The following MPPED2 variants were observed in gnomAD, a reference collection of about 807,000 sequenced individuals.
MPPED2 encodes metallophosphoesterase MPPED2.
In MPPED2, 5 loss-of-function variants were observed where a neutral mutation model predicts 33.0. The ratio of observed to expected loss-of-function variants is 0.15; its 90% confidence interval spans 0.08 to 0.32. The LOEUF (loss-of-function observed/expected upper bound fraction) is 0.32, where lower values mean the gene tolerates loss of function less well. MPPED2 is among the 10% of genes least tolerant of loss of function. MPPED2 has a pLI of 1.00. For missense variants in MPPED2, 275 were observed against 372.1 expected (o/e 0.74, Z 2.15); for synonymous variants, 136 against 141.9 (o/e 0.96, Z 0.29).
At chr11:30,529,171 A>G (rs1334589998) in intron 3 of MPPED2, among the ~76,000 whole-genome samples, 4 of 152,194 alleles carry the variant, frequency 2.6e-5, no homozygotes, top group Non-Finnish European at 1.5e-5. Context: ...AGTTTTATCA[A>G]TTTTAAAAAA....
intron 2 of MPPED2, among the ~76,000 whole-genome samples, chr11:30,550,293 T>C (rs1258665882): frequency 6.6e-6 from 1 of 152,200 alleles, no homozygotes; most frequent in Admixed American, 6.5e-5. Context: ...TTCCCACCCC[T>C]GCTGTAGCAT....
At chr11:30,407,553 C>T (rs112243427), downstream of MPPED2, among the ~76,000 whole-genome samples, 556 of 152,260 alleles carry the variant, frequency 3.7e-3, 1 homozygote, top group African/African-American at 0.013. Context: ...CTGCTGCTTT[C>T]GAGGTTGGAG....
At chr11:30,483,581 A>G (rs551569661) in intron 4 of MPPED2, among the ~76,000 whole-genome samples, 2 of 152,322 alleles carry the variant, frequency 1.3e-5, no homozygotes, top group South Asian at 4.1e-4. Context: ...GTTTTAGTCT[A>G]GCATCTTTTA....
chr11:30,494,757 A>AAAGAAAGAAAG (rs1554982033), intron 4 of MPPED2, among the ~76,000 whole-genome samples: 2 of 120,888 alleles, frequency 1.7e-5, no homozygotes, highest in East Asian at 2.0e-4. Context: ...AAAAAAAAAA[A>AAAGAAAGAAAG]AAAGAAAGAA....
chr11:30,410,773 CCT>C lies in MPPED2; in HGVS notation c.*693_*694del, dbSNP rs1948073498. The C allele has an allele frequency of 1.0e-6, 1 of 984,950 alleles. No homozygotes were observed. Among genetic ancestry groups the C allele is most frequent in the African/African-American group, 1.7e-5 (1 of 57,190 alleles). 61.0% of individuals were successfully genotyped at this position (984,950 alleles called of 1,614,324 possible). On this transcript the variant is annotated 3_prime_UTR_variant, in exon 7 of 7. Coordinates refer to ENST00000358117, the MANE Select transcript of MPPED2 (RefSeq NM_001584.3). ...TTCATTTTTTTAACCGTATGAAATACCTGCTCTTGACAGATTCCATTTCTGTA... is the reference window on the plus strand; with the variant it reads ...TTCATTTTTTTAACCGTATGAAATACGCTCTTGACAGATTCCATTTCTGTA...
chr11:30,570,766 A>T (rs774236761), intron 2 of MPPED2, among the ~76,000 whole-genome samples: 1 of 152,184 alleles, frequency 6.6e-6, no homozygotes, highest in South Asian at 2.1e-4. Flanking sequence ...CATATTTTAA[A>T]CTAAGTGTAC....
At chr11:30,534,000 T>G (rs1954677096) in intron 3 of MPPED2, among the ~76,000 whole-genome samples, 1 of 152,226 alleles carries the variant, frequency 6.6e-6, no homozygotes, top group Admixed American at 6.5e-5. Flanking sequence ...CATTCAGTTA[T>G]TAATGGCCCA....
intron 6 of MPPED2, among the ~76,000 whole-genome samples, chr11:30,400,809 G>A (rs1209656392): frequency 2.6e-5 from 4 of 151,012 alleles, no homozygotes; most frequent in Admixed American, 1.3e-4. Context: ...CACCCAGCCA[G>A]GAGTGCAGTG....
chr11:30,534,815 ATTG>A (rs1342789957), intron 3 of MPPED2, among the ~76,000 whole-genome samples: 1 of 152,228 alleles, frequency 6.6e-6, no homozygotes, highest in East Asian at 1.9e-4. Context: ...CAGAGGAAAA[ATTG>A]TTATCAATTT....
At chr11:30,417,074 A>C (rs1466315924) in intron 5 of MPPED2, among the ~76,000 whole-genome samples, 2 of 152,206 alleles carry the variant, frequency 1.3e-5, no homozygotes, top group East Asian at 3.8e-4. Flanking sequence ...GTTAAACTTT[A>C]AAGGTCTTCC....
At chr11:30,566,517 G>A (rs971862392) in intron 2 of MPPED2, among the ~76,000 whole-genome samples, 4 of 152,124 alleles carry the variant, frequency 2.6e-5, no homozygotes, top group Admixed American at 6.6e-5. Context: ...ACTTACATAA[G>A]TTACCCTTTT....
At chr11:30,466,496 T>C (rs575407348) in intron 4 of MPPED2, among the ~76,000 whole-genome samples, 46 of 152,242 alleles carry the variant, frequency 3.0e-4, no homozygotes, top group Admixed American at 2.5e-3. Flanking sequence ...TCCAGCTGGA[T>C]CCATTGAGGA....
chr11:30,535,275 A>C (rs921868178), intron 3 of MPPED2, among the ~76,000 whole-genome samples: 1 of 151,878 alleles, frequency 6.6e-6, no homozygotes, highest in South Asian at 2.1e-4. Context: ...GCTCTTTACT[A>C]TATAATTCTT....
chr11:30,490,927 C>T (rs1472850272), intron 4 of MPPED2, among the ~76,000 whole-genome samples: 1 of 152,134 alleles, frequency 6.6e-6, no homozygotes, highest in East Asian at 1.9e-4. Context: ...TTTGAGAAAC[C>T]TGTGAATCCT....
intron 6 of MPPED2, among the ~76,000 whole-genome samples, chr11:30,392,766 A>G (rs1490396378): frequency 6.6e-6 from 1 of 152,090 alleles, no homozygotes; most frequent in East Asian, 1.9e-4. Flanking sequence ...CATGCTCCCC[A>G]CTTAAGGTTT....
intron 2 of MPPED2, among the ~76,000 whole-genome samples, chr11:30,562,109 C>T (rs1956263394): frequency 6.6e-6 from 1 of 152,176 alleles, no homozygotes; most frequent in Non-Finnish European, 1.5e-5. Flanking sequence ...CATTTCCACA[C>T]ACAGCAAGCA....
At chr11:30,425,053 G>C (rs540013015) in intron 4 of MPPED2, among the ~76,000 whole-genome samples, 1 of 152,106 alleles carries the variant, frequency 6.6e-6, no homozygotes, top group African/African-American at 2.4e-5. Flanking sequence ...TTGGTCTTTC[G>C]TTATGAGATC....
intron 3 of MPPED2, 110 bp downstream of exon 3, chr11:30,535,884 C>T (rs1414043467): frequency 1.9e-5 from 16 of 862,262 alleles, no homozygotes; most frequent in Middle Eastern, 3.7e-4. Context: ...GCATATCATA[C>T]GAGAAATGGC....
intron 2 of MPPED2, among the ~76,000 whole-genome samples, chr11:30,558,602 G>C (rs1352299877): frequency 6.9e-6 from 1 of 144,822 alleles, no homozygotes; most frequent in Non-Finnish European, 1.5e-5. Flanking sequence ...TTTAATTTTT[G>C]ATAGAGACAG....
Sources: allele counts gnomAD v4.1 joint callset (sites outside exome capture counted in the v4.1 genomes callset), GRCh38; gene constraint gnomAD v4.1.1; transcripts MANE v1.5; gene names NCBI Gene and HGNC (gene_info 2026-07-23, HGNC 2026-07-21).